LRRC4C: variants seen among roughly 807,000 people sequenced by gnomAD.
LRRC4C encodes leucine rich repeat containing 4C, also known as leucine-rich repeat-containing protein 4C.
In LRRC4C, 5 loss-of-function variants were observed where a neutral mutation model predicts 33.6. That is an observed-to-expected ratio of 0.15 (90% confidence interval 0.08 to 0.31). The LOEUF (loss-of-function observed/expected upper bound fraction) is 0.31. Ranked by LOEUF, LRRC4C falls within the 10% of genes least tolerant of loss-of-function variation. The pLI is 1.00. For missense variants in LRRC4C, 560 were observed against 796.7 expected (o/e 0.70, Z 3.58); for synonymous variants, 329 against 302.0 (o/e 1.09, Z -0.93).
intron 3 of LRRC4C, among the ~76,000 whole-genome samples, chr11:40,534,504 C>T (rs115708444): frequency 0.017 from 2,513 of 152,230 alleles, 86 homozygotes; most frequent in African/African-American, 0.057. Context: ...CTGTGTGGCA[C>T]TGCCTAGACA....
intron 1 of LRRC4C, among the ~76,000 whole-genome samples, chr11:41,201,921 AACACACAC>A (rs72276649): frequency 0.62 from 93,656 of 150,630 alleles, 31,701 homozygotes; most frequent in South Asian, 0.79. Context: ...CACACACACA[AACACACAC>A]ACACACACAC....
intron 2 of LRRC4C, among the ~76,000 whole-genome samples, chr11:40,650,142 C>A (rs187208329): frequency 1.3e-5 from 2 of 152,172 alleles, no homozygotes; most frequent in Admixed American, 6.5e-5. Context: ...CACAGTATAT[C>A]CTAATTATGA....
intron 4 of LRRC4C, among the ~76,000 whole-genome samples, chr11:40,272,256 C>G (rs1300789604): frequency 6.6e-6 from 1 of 152,026 alleles, no homozygotes; most frequent in Non-Finnish European, 1.5e-5. Context: ...AAAACAAATA[C>G]AAAGGTCATT....
At chr11:40,931,576 G>C (rs1030911085) in intron 2 of LRRC4C, among the ~76,000 whole-genome samples, 2 of 151,992 alleles carry the variant, frequency 1.3e-5, no homozygotes, top group Non-Finnish European at 2.9e-5. Context: ...GTTTATCATA[G>C]AGCCCCAATT....
At chr11:41,458,329 C>A (rs1317082439) in intron 1 of LRRC4C, among the ~76,000 whole-genome samples, 3 of 152,136 alleles carry the variant, frequency 2.0e-5, no homozygotes, top group Non-Finnish European at 4.4e-5. Context: ...GATTCTGTTG[C>A]CTTCATGTGA....
intron 1 of LRRC4C, among the ~76,000 whole-genome samples, chr11:41,285,067 A>C (rs899853422): frequency 6.6e-6 from 1 of 152,184 alleles, no homozygotes; most frequent in Non-Finnish European, 1.5e-5. Flanking sequence ...GGAAAAGTAG[A>C]TTGTTGGTGC....
At chr11:41,385,704 G>A (rs1260273107) in intron 1 of LRRC4C, among the ~76,000 whole-genome samples, 1 of 151,100 alleles carries the variant, frequency 6.6e-6, no homozygotes, top group Non-Finnish European at 1.5e-5. Flanking sequence ...GTTATGAAGT[G>A]AACAAAATAA....
intron 2 of LRRC4C, among the ~76,000 whole-genome samples, chr11:40,921,409 C>T (rs1048552421): frequency 1.3e-5 from 2 of 152,160 alleles, no homozygotes; most frequent in African/African-American, 4.8e-5. Flanking sequence ...CTTCTGCTGA[C>T]AGCCAGCCAG....
At chr11:40,716,335 C>T (rs1004296143) in intron 2 of LRRC4C, among the ~76,000 whole-genome samples, 2 of 151,962 alleles carry the variant, frequency 1.3e-5, no homozygotes, top group Non-Finnish European at 2.9e-5. Context: ...TTTATATCTA[C>T]TTGGTGTTAA....
chr11:40,304,441 A>T (rs1944928520), intron 4 of LRRC4C, among the ~76,000 whole-genome samples: 1 of 152,232 alleles, frequency 6.6e-6, no homozygotes, highest in Non-Finnish European at 1.5e-5. Context: ...GTCAAAAAAC[A>T]CATCTTTCAG....
intron 1 of LRRC4C, among the ~76,000 whole-genome samples, chr11:41,075,914 C>T (rs1430899226): frequency 6.6e-6 from 1 of 152,174 alleles, no homozygotes; most frequent in Non-Finnish European, 1.5e-5. Context: ...TTCTAATCTT[C>T]TTGAACAACT....
intron 5 of LRRC4C, among the ~76,000 whole-genome samples, chr11:40,215,656 C>T (rs1291671577): frequency 6.6e-6 from 1 of 152,122 alleles, no homozygotes; most frequent in Non-Finnish European, 1.5e-5. Context: ...CGTACAAAAA[C>T]AGGCAGGAAA....
intron 1 of LRRC4C, among the ~76,000 whole-genome samples, chr11:40,975,314 C>T (rs908489924): frequency 7.2e-5 from 11 of 152,276 alleles, no homozygotes; most frequent in African/African-American, 2.6e-4. Flanking sequence ...TGAGTGAATT[C>T]ACAGTGTTGG....
chr11:41,372,808 A>G (rs905543824), intron 1 of LRRC4C, among the ~76,000 whole-genome samples: 1 of 151,522 alleles, frequency 6.6e-6, no homozygotes, highest in Non-Finnish European at 1.5e-5. Context: ...AAAAAAGAGT[A>G]ACAGAGTCAT....
At chr11:41,329,947 C>A (rs541749244) in intron 1 of LRRC4C, among the ~76,000 whole-genome samples, 2 of 152,340 alleles carry the variant, frequency 1.3e-5, no homozygotes, top group Admixed American at 1.3e-4. Context: ...GACCTTCATT[C>A]TATTTTACAT....
At chr11:40,399,365 G>A (rs1949670696) in intron 3 of LRRC4C, among the ~76,000 whole-genome samples, 1 of 152,066 alleles carries the variant, frequency 6.6e-6, no homozygotes, top group Non-Finnish European at 1.5e-5. Context: ...TAAAAATGAT[G>A]AGTTCATGTC....
chr11:40,812,590 T>C (rs1242490059), intron 2 of LRRC4C, among the ~76,000 whole-genome samples: 1 of 152,070 alleles, frequency 6.6e-6, no homozygotes, highest in African/African-American at 2.4e-5. Context: ...AATATTCTTC[T>C]CAAACATAAA....
intron 3 of LRRC4C, among the ~76,000 whole-genome samples, chr11:40,625,239 T>G (rs1250500809): frequency 6.6e-6 from 1 of 152,174 alleles, no homozygotes; most frequent in Non-Finnish European, 1.5e-5. Flanking sequence ...AAGTAACTAT[T>G]GTGAAACTTT....
In LRRC4C at chr11:40,230,989, T is replaced by A. The variant is rs143132494; in HGVS notation, c.-96+10530A>T. ...CTTTCATGTTCATTTCTCATCAGACTGTAAGATTTGCAAGGGCTGGCACAG... is the reference window on the plus strand; with the variant it reads ...CTTTCATGTTCATTTCTCATCAGACAGTAAGATTTGCAAGGGCTGGCACAG... On this transcript the variant is annotated intron_variant, in intron 5 of 6. Coordinates refer to ENST00000528697, the MANE Select transcript of LRRC4C (RefSeq NM_001258419.2). Among the ~76,000 whole-genome samples, 335 of 152,316 alleles carry A rather than the reference T, an allele frequency of 2.2e-3. 3 individuals are homozygous for A. Among genetic ancestry groups the A allele is most frequent in the African/African-American group, 7.7e-3 (322 of 41,574 alleles).
Sources: allele counts gnomAD v4.1 joint callset (sites outside exome capture counted in the v4.1 genomes callset), GRCh38; gene constraint gnomAD v4.1.1; transcripts MANE v1.5; gene names NCBI Gene and HGNC (gene_info 2026-07-23, HGNC 2026-07-21).